Variants in HDAC4 observed in about 807,000 individuals in gnomAD.
The protein encoded by HDAC4 is histone deacetylase 4.
HDAC4 carries 16 observed loss-of-function variants against 135.1 expected under a neutral mutation model. The ratio of observed to expected loss-of-function variants is 0.12; its 90% CI spans 0.08 to 0.18. The LOEUF (loss-of-function observed/expected upper bound fraction) is 0.18. Among genes scored for constraint, HDAC4 ranks in the 10% least tolerant of loss-of-function variants. The pLI is 1.00. For synonymous variants in HDAC4, 685 were observed against 653.4 expected (o/e 1.05, Z -0.74); for missense variants, 1,143 against 1,511.8 (o/e 0.76, Z 4.05).
chr2:239,163,365 C>T (rs185795502), intron 6 of HDAC4, among the ~76,000 whole-genome samples: 8 of 152,332 alleles, frequency 5.3e-5, no homozygotes, highest in Admixed American at 6.5e-5. Context: ...ACGACAGGCA[C>T]CAGCCTCCGG....
At position 239,163,831 on chromosome 2, in the gene HDAC4, T is replaced by C; in HGVS notation, c.583A>G (p.Ile195Val). ...TACCAGTAGCGAGGGTCGCTGGAAA[T>C]GCAGTGGTTCAGATTCCGGTGGGCC... ...ALAHRNLNHC[I>V]SSDPRYWYGK... Residue 195 changes from isoleucine to valine, a missense_variant, in exon 6 of 27, where the codon ATT (isoleucine) becomes GTT (valine). By Grantham distance (29) the Ile-to-Val change is conservative. This residue lies in a region of HDAC4 where 247 missense variants were observed against 310.0 expected (regional missense o/e 0.80). Transcript: ENST00000543185. The C allele has an allele frequency of 6.2e-7, 1 of 1,614,170 alleles. No homozygotes were observed. Among genetic ancestry groups the C allele is most frequent in the Non-Finnish European group, 8.5e-7 (1 of 1,180,028 alleles).
chr2:239,180,057 G>T (rs569360448), intron 4 of HDAC4, among the ~76,000 whole-genome samples: 18 of 152,204 alleles, frequency 1.2e-4, no homozygotes, highest in Middle Eastern at 3.2e-3. Context: ...GGGGGCAGGC[G>T]GTGTGTGTCC....
intron 2 of HDAC4, among the ~76,000 whole-genome samples, chr2:239,316,316 A>G (rs1293252057): frequency 6.6e-6 from 1 of 152,250 alleles, no homozygotes; most frequent in African/African-American, 2.4e-5. Context: ...TAAAACTCAG[A>G]TGGCAGGCCC....
chr2:239,055,519 C>G (rs2031682426), intron 24 of HDAC4, among the ~76,000 whole-genome samples: 1 of 152,180 alleles, frequency 6.6e-6, no homozygotes, highest in Non-Finnish European at 1.5e-5. Flanking sequence ...GCGTTCCAGA[C>G]CAGCCTGGGC....
intron 16 of HDAC4, among the ~76,000 whole-genome samples, chr2:239,102,135 G>A (rs1407546314): frequency 6.6e-6 from 1 of 150,852 alleles, no homozygotes; most frequent in African/African-American, 2.5e-5. Context: ...CCCGGCCCGG[G>A]GTCTGGGTTC....
chr2:239,265,048 C>T (rs191009119), intron 2 of HDAC4, among the ~76,000 whole-genome samples: 2 of 152,272 alleles, frequency 1.3e-5, no homozygotes, highest in East Asian at 3.9e-4. Context: ...CAGAGCCTGA[C>T]AGGGGCTGGA....
intron 2 of HDAC4, among the ~76,000 whole-genome samples, chr2:239,328,298 T>C (rs953958298): frequency 3.9e-5 from 6 of 152,164 alleles, no homozygotes; most frequent in Admixed American, 2.6e-4. Flanking sequence ...ATGAAAAATG[T>C]TCTACAAAAA....
chr2:239,077,385 T>C (rs997830477), intron 22 of HDAC4, among the ~76,000 whole-genome samples: 1 of 152,188 alleles, frequency 6.6e-6, no homozygotes, highest in Non-Finnish European at 1.5e-5. Flanking sequence ...AGTGGGCAGG[T>C]CCCCTGAGGT....
rs114472356 is a variant in HDAC4, at chr2:239,243,031, C to T, written c.23-6367G>A. ...GGCAGCAAGAGCTCCACACAAGCTA[C>T]ACCTAAACTCTTTTCCACGCTTGAT... On this transcript the variant is annotated intron_variant, in intron 2 of 26. Transcript: ENST00000543185. Among the ~76,000 whole-genome samples, 757 of 152,298 alleles carry T rather than the reference C, an allele frequency of 5.0e-3. 3 individuals carry two copies. The highest frequency in any genetic ancestry group is 0.017 in the African/African-American group (704 of 41,552).
intron 22 of HDAC4, among the ~76,000 whole-genome samples, chr2:239,070,240 G>A (rs572765141): frequency 6.6e-6 from 1 of 152,278 alleles, no homozygotes; most frequent in South Asian, 2.1e-4. Flanking sequence ...AACACACACA[G>A]GTGTAAGGGA....
At position 239,053,031 on chromosome 2, in the gene HDAC4, A is replaced by C. The variant is rs1451187123; in HGVS notation, c.*66T>G. 1 of 1,593,026 alleles carries C rather than the reference A, an allele frequency of 6.3e-7. No homozygotes were observed. ...CGGTGGGACGCAGGCGTGACACGGG[A>C]AAGTTTCTTGGCTGAGCTTCAAGAC... is the stretch of plus-strand genomic sequence containing the variant. On this transcript the variant is annotated 3_prime_UTR_variant, in exon 27 of 27. Coordinates refer to ENST00000543185, the MANE Select transcript of HDAC4 (RefSeq NM_001378414.1).
chr2:239,343,981 T>A (rs1279837278), intron 2 of HDAC4, among the ~76,000 whole-genome samples: 1 of 152,194 alleles, frequency 6.6e-6, no homozygotes, highest in Non-Finnish European at 1.5e-5. Context: ...AGAACAAACC[T>A]GCTGTTCATT....
chr2:239,125,310 C>T (rs2040102646), intron 12 of HDAC4, among the ~76,000 whole-genome samples: 1 of 152,174 alleles, frequency 6.6e-6, no homozygotes, highest in African/African-American at 2.4e-5. Flanking sequence ...TGTGGCCCCT[C>T]TCCCCACCCC....
At chr2:239,370,125 T>G (rs1344455137) in intron 1 of HDAC4, among the ~76,000 whole-genome samples, 2 of 152,174 alleles carry the variant, frequency 1.3e-5, no homozygotes, top group Non-Finnish European at 2.9e-5. Flanking sequence ...GGCAGGTCAG[T>G]GAGGGTAGCA....
At position 239,307,314 on chromosome 2, in the gene HDAC4, T is replaced by C. The variant is rs1409457302; in HGVS notation, c.22+45364A>G. Among the ~76,000 whole-genome samples the C allele has an allele frequency of 6.6e-6, 1 of 152,124 alleles. No homozygotes were observed. Among genetic ancestry groups the C allele is most frequent in the African/African-American group, 2.4e-5 (1 of 41,436 alleles). On this transcript the variant is annotated intron_variant, in intron 2 of 26. Transcript: ENST00000543185. This position sits in a 1 kb window ranked among gnomAD's most constrained non-coding sequence, Gnocchi z 4.8. ...TACTTTCAGAAACAAGAGGGTGTTC[T>C]GTTTAGAAGCAGAGAGCCGAGGAGC... is the stretch of plus-strand genomic sequence containing the variant.
chr2:239,140,317 AAC>A (rs1248772579), intron 8 of HDAC4, among the ~76,000 whole-genome samples: 2 of 152,196 alleles, frequency 1.3e-5, no homozygotes. Context: ...GCTACTGGAA[AAC>A]ACACGCTCGG....
chr2:239,343,537 C>T (rs1692430345), intron 2 of HDAC4, among the ~76,000 whole-genome samples: 1 of 152,258 alleles, frequency 6.6e-6, no homozygotes, highest in Non-Finnish European at 1.5e-5. Flanking sequence ...GCGGGAGGCC[C>T]ACCAACCCTC....
At chr2:239,324,726 AGTT>A (rs906317541) in intron 2 of HDAC4, among the ~76,000 whole-genome samples, 1 of 152,234 alleles carries the variant, frequency 6.6e-6, no homozygotes, top group Non-Finnish European at 1.5e-5. Flanking sequence ...AACCCTGGTC[AGTT>A]GTTGTTAAAC....
At chr2:239,081,054 A>G (rs2035269229) in intron 22 of HDAC4, 41 bp downstream of exon 22, 2 of 1,461,470 alleles carry the variant, frequency 1.4e-6, no homozygotes, top group Non-Finnish European at 1.9e-6. Context: ...CACAGAGGAA[A>G]AGCTGCTACT....
Sources: allele counts gnomAD v4.1 joint callset (sites outside exome capture counted in the v4.1 genomes callset), GRCh38; gene constraint gnomAD v4.1.1; regional missense constraint gnomAD v4.1.1; non-coding constraint Gnocchi (gnomAD v3.1); transcripts MANE v1.5; gene names NCBI Gene and HGNC (gene_info 2026-07-23, HGNC 2026-07-21).